Variants in STON1 observed in about 807,000 individuals in gnomAD.
STON1 encodes stonin-1.
STON1 carries 79 observed loss-of-function variants against 60.9 expected under a neutral mutation model. The observed-to-expected ratio is 1.30, with a 90% CI of 1.08 to 1.56. STON1 has a LOEUF of 1.56. Among genes scored for constraint, STON1 ranks in the 40% most tolerant of loss-of-function variants. The pLI is 0.00. For missense variants in STON1, 1,166 were observed against 858.9 expected (o/e 1.36, Z -4.47); for synonymous variants, 363 against 306.9 (o/e 1.18, Z -1.91).
In STON1 at chr2:48,581,868, A is replaced by G. The variant is rs769241895; in HGVS notation, c.1235A>G (p.Glu412Gly). The G allele has an allele frequency of 9.9e-6, 16 of 1,614,036 alleles. No individual in the cohort carries two copies. The Admixed American group carries it at 2.7e-4, about 27-fold the overall frequency. The change falls in exon 2 of 4, where the codon GAG becomes GGG. Residue 412 changes from glutamate to glycine, a missense_variant. Physicochemically the swap from Glu to Gly is moderately conservative, Grantham distance 98. Transcript: ENST00000404752. ...AVSKPKKNYE[E>G]QEISLEIVDN... is the part of the protein sequence containing the mutation. ...TCAAAACCAAAAAAGAACTACGAGG[A>G]GCAAGAAATTTCCTTGGAAATTGTG...
At chr2:48,573,638 G>A (rs908504956) in intron 1 of STON1, among the ~76,000 whole-genome samples, 3 of 152,212 alleles carry the variant, frequency 2.0e-5, no homozygotes, top group East Asian at 1.9e-4. Flanking sequence ...ATCAGGTTGG[G>A]CTGAAGTGAC....
At chr2:48,584,125 A>C (rs913155516) in intron 2 of STON1, among the ~76,000 whole-genome samples, 2 of 152,106 alleles carry the variant, frequency 1.3e-5, no homozygotes, top group African/African-American at 4.8e-5. Context: ...GATAAATAAA[A>C]ATCTGATCCC....
At chr2:48,557,702 G>A (rs1337894868) in intron 1 of STON1, among the ~76,000 whole-genome samples, 1 of 69,020 alleles carries the variant, frequency 1.4e-5, no homozygotes, top group African/African-American at 5.0e-5. Flanking sequence ...GGAGGCCGAG[G>A]TTGGCGGATC....
intron 1 of STON1, among the ~76,000 whole-genome samples, chr2:48,563,752 GGT>G (rs1558602860): frequency 6.6e-6 from 1 of 151,870 alleles, no homozygotes; most frequent in Non-Finnish European, 1.5e-5. Flanking sequence ...GGAGTGCAGT[GGT>G]GTGATTTCGG....
At chr2:48,560,585 A>C (rs1009649591) in intron 1 of STON1, among the ~76,000 whole-genome samples, 1 of 152,096 alleles carries the variant, frequency 6.6e-6, no homozygotes, top group Non-Finnish European at 1.5e-5. Context: ...CATTTTTTGG[A>C]GAGTAGGAAG....
At chr2:48,538,937 G>C (rs1352955940) in intron 1 of STON1, among the ~76,000 whole-genome samples, 1 of 151,906 alleles carries the variant, frequency 6.6e-6, no homozygotes, top group Non-Finnish European at 1.5e-5. Context: ...ATTTTTTAGA[G>C]ATGGGATCTT....
chr2:48,538,046 C>T (rs1015888949), intron 1 of STON1, among the ~76,000 whole-genome samples: 4 of 151,434 alleles, frequency 2.6e-5, no homozygotes, highest in African/African-American at 7.3e-5. Context: ...CTCCGACTCC[C>T]GGGTTCAAGC....
rs867426981 is a variant in STON1 at position 48,564,548 on chromosome 2, T to C, written c.-47-16039T>C. ...TTCTTCTTCTTCTTCTTCTTCTTCTTCTTCTTCTTCTTCTTCTTCTCCTTC... is the reference window on the plus strand; with the variant it reads ...TTCTTCTTCTTCTTCTTCTTCTTCTCCTTCTTCTTCTTCTTCTTCTCCTTC... On this transcript the variant is annotated intron_variant, in intron 1 of 3. Transcript: ENST00000404752. Among the ~76,000 whole-genome samples the C allele has an allele frequency of 7.3e-4, 39 of 53,284 alleles. 3 individuals are homozygous for C. Among genetic ancestry groups the C allele is most frequent in the African/African-American group, 9.7e-4 (14 of 14,430 alleles). 35.0% of individuals were successfully genotyped at this position (53,284 alleles called of 152,430 possible).
At chr2:48,577,912 G>A (rs1280664261) in intron 1 of STON1, among the ~76,000 whole-genome samples, 1 of 149,616 alleles carries the variant, frequency 6.7e-6, no homozygotes, top group Non-Finnish European at 1.5e-5. Context: ...CACCGAGCCC[G>A]GCCAAAAAAA....
intron 1 of STON1, among the ~76,000 whole-genome samples, chr2:48,560,756 G>T (rs1234338632): frequency 2.0e-5 from 3 of 152,198 alleles, no homozygotes; most frequent in African/African-American, 7.2e-5. Context: ...GGGCGAGAGG[G>T]TGGGGGTTAA....
rs1672740502 is a variant in STON1 at position 48,564,405 on chromosome 2, G to GTCTTCTTCTTCC, written c.-47-16171_-47-16170insCTCTTCTTCTTC. 1.2e-4 allele frequency among the ~76,000 whole-genome samples: 10 copies of GTCTTCTTCTTCC among 83,036 alleles called. 1 individual carries two copies. The highest frequency in any genetic ancestry group is 4.6e-4 in the African/African-American group (10 of 21,626). 54.5% of individuals were successfully genotyped at this position (83,036 alleles called of 152,430 possible). ...TAGGTCCTCCAGTGGCAGTGGCGGT[G>GTCTTCTTCTTCC]TCTTCTTCTTCTTCTTCTTCTTCTT... On this transcript the variant is annotated intron_variant, in intron 1 of 3. Coordinates refer to ENST00000404752, the MANE Select transcript of STON1 (RefSeq NM_006873.4).
At chr2:48,590,551 G>A (rs1217338408) in intron 2 of STON1, among the ~76,000 whole-genome samples, 1 of 151,466 alleles carries the variant, frequency 6.6e-6, no homozygotes, top group Non-Finnish European at 1.5e-5. Context: ...TAGATATGGA[G>A]ATGCTATGAA....
chr2:48,564,567 C>CT (rs1558605654), intron 1 of STON1, among the ~76,000 whole-genome samples: 18 of 55,078 alleles, frequency 3.3e-4, no homozygotes, highest in Non-Finnish European at 4.5e-4. Flanking sequence ...TCTTCTTCTT[C>CT]TCCTTCTCCT....
intron 1 of STON1, among the ~76,000 whole-genome samples, chr2:48,561,574 G>A (rs1672614892): frequency 6.6e-6 from 1 of 152,124 alleles, no homozygotes; most frequent in Non-Finnish European, 1.5e-5. Flanking sequence ...TGACATTTTG[G>A]ACTGGAAAAT....
At chr2:48,590,361 A>G (rs1674441357) in intron 2 of STON1, among the ~76,000 whole-genome samples, 2 of 152,202 alleles carry the variant, frequency 1.3e-5, no homozygotes, top group South Asian at 4.1e-4. Flanking sequence ...GTTGTATGGA[A>G]CGAAAGGTAA....
intron 1 of STON1, among the ~76,000 whole-genome samples, chr2:48,545,421 G>A (rs537024164): frequency 2.6e-5 from 4 of 152,222 alleles, no homozygotes; most frequent in African/African-American, 9.6e-5. Flanking sequence ...CCACACGGGC[G>A]CGCACAGACC....
intron 1 of STON1, among the ~76,000 whole-genome samples, chr2:48,550,977 T>C (rs184012103): frequency 3.0e-4 from 46 of 152,032 alleles, no homozygotes; most frequent in Non-Finnish European, 5.7e-4. Flanking sequence ...TTAAAAAAAA[T>C]TTTTTGTAAC....
intron 1 of STON1, among the ~76,000 whole-genome samples, chr2:48,548,284 T>C (rs1209538707): frequency 6.6e-6 from 1 of 152,220 alleles, no homozygotes; most frequent in Non-Finnish European, 1.5e-5. Context: ...TGCTACATGC[T>C]TATGCCACCT....
At chr2:48,569,063 A>C (rs906106813) in intron 1 of STON1, 1 of 152,214 alleles carries the variant, frequency 6.6e-6, no homozygotes, top group South Asian at 2.1e-4. Context: ...TAGGTTCTAC[A>C]TCTTACTGGT....
Sources: allele counts gnomAD v4.1 joint callset (sites outside exome capture counted in the v4.1 genomes callset), GRCh38; gene constraint gnomAD v4.1.1; transcripts MANE v1.5; gene names NCBI Gene and HGNC (gene_info 2026-07-23, HGNC 2026-07-21).